C16orf96: variants seen among roughly 807,000 people sequenced by gnomAD.
The protein encoded by C16orf96 is chromosome 16 open reading frame 96, also known as uncharacterized protein C16orf96.
C16orf96 carries 108 observed loss-of-function variants against 103.6 expected under a neutral mutation model. The observed-to-expected ratio is 1.04, with a 90% CI of 0.89 to 1.22. C16orf96 has a LOEUF of 1.22. Among genes scored for constraint, C16orf96 ranks in the 50% most tolerant of loss-of-function variants. The pLI, the probability that C16orf96 is intolerant of heterozygous loss-of-function variation, is 0.00. For missense variants in C16orf96, 1,586 were observed against 1,464.2 expected (o/e 1.08, Z -1.36); for synonymous variants, 566 against 593.5 (o/e 0.95, Z 0.67).
At chr16:4,599,781 C>G (rs190642799) in intron 15 of C16orf96, among the ~76,000 whole-genome samples, 2 of 152,374 alleles carry the variant, frequency 1.3e-5, no homozygotes, top group East Asian at 3.9e-4. Flanking sequence ...GGCTCGGTCA[C>G]TTTGAGCTGT....
At chr16:4,595,461 C>T (rs1897150485) in intron 14 of C16orf96, among the ~76,000 whole-genome samples, 1 of 152,170 alleles carries the variant, frequency 6.6e-6, no homozygotes, top group East Asian at 1.9e-4. Context: ...GTGCTGAGGC[C>T]CGGCTCTGGC....
the C16orf96 span, among the ~76,000 whole-genome samples, chr16:4,546,399 C>T: frequency 6.6e-6 from 1 of 151,064 alleles, no homozygotes; most frequent in Non-Finnish European, 1.5e-5. Flanking sequence ...ACCTCGTGAT[C>T]TGCCTGCCTC....
intron 1 of C16orf96, among the ~76,000 whole-genome samples, chr16:4,568,684 A>C (rs2059406647): frequency 7.1e-6 from 1 of 141,784 alleles, no homozygotes; most frequent in South Asian, 2.2e-4. Flanking sequence ...GCTGGAGGGC[A>C]GTAGTGCAAT....
Position 4,594,808 on chromosome 16 carries a change from G to A in C16orf96, c.3127+5G>A, listed in dbSNP as rs1204238623. The A allele has an allele frequency of 1.3e-6, 2 of 1,549,692 alleles. No individual in the cohort carries two copies. The highest frequency in any genetic ancestry group is 1.7e-6 in the Non-Finnish European group (2 of 1,146,758). ...CCGTCGCAAAGGAGCTGGCAGGTGA[G>A]GGGCGTAGGGCTCCCTGGGGCACCC... On this transcript the variant is annotated splice_donor_5th_base_variant and intron_variant, in intron 14 of 15. Transcript: ENST00000444310.
rs558227770 is a variant in C16orf96, at chr16:4,594,633, C to T, written c.3028-71C>T. ...AGGCTGCACTCTGTCTCCTGGGCTT[C>T]TGCGTGTACCAAAGTTCGGGGGCAG... is the stretch of plus-strand genomic sequence containing the variant. On this transcript the variant is annotated intron_variant, in intron 13 of 15. Transcript: ENST00000444310. 4.1e-5 allele frequency: 63 copies of T among 1,541,096 alleles called. No individual in the cohort carries two copies. The East Asian group carries it at 1.3e-3, about 32-fold the overall frequency.
chr16:4,567,025 T>C (rs1447682256), intron 1 of C16orf96, among the ~76,000 whole-genome samples: 1 of 152,058 alleles, frequency 6.6e-6, no homozygotes, highest in Non-Finnish European at 1.5e-5. Flanking sequence ...TTCTTTGTTA[T>C]TTTCTTATTT....
chr16:4,539,015 A>T, the C16orf96 span, among the ~76,000 whole-genome samples: 2 of 152,178 alleles, frequency 1.3e-5, no homozygotes, highest in African/African-American at 2.4e-5. Context: ...TGCCAGCAAC[A>T]GGGCAGGGCA....
rs1375506265 is a variant in C16orf96, at chr16:4,587,108, A to C, written c.2422A>C (p.Arg808=). The C allele has an allele frequency of 3.2e-6, 5 of 1,551,480 alleles. No homozygotes were observed. The East Asian group carries it at 9.8e-5, about 30-fold the overall frequency. Residue 808 remains arginine (R), a synonymous_variant, in exon 8 of 16, where the codon AGA becomes CGA. Transcript: ENST00000444310. ...VNKSTMEEEL[R]EKADRSALAG... ...TAAGAGCACGATGGAGGAGGAGCTG[A>C]GAGAGGTGAGTGAGCAGAGGTTCCT...
At chr16:4,583,441 G>T (rs1052251473) in intron 7 of C16orf96, among the ~76,000 whole-genome samples, 3 of 152,184 alleles carry the variant, frequency 2.0e-5, no homozygotes, top group Admixed American at 6.5e-5. Context: ...AGGAGGTGGA[G>T]GTTGCAGTGA....
rs183141416 is a variant in C16orf96, at chr16:4,585,647, C to A, written c.2353-1392C>A. On this transcript the variant is annotated intron_variant, in intron 7 of 15. Transcript: ENST00000444310. ...ACCTGCTGGTTGGATCAGTTCCCTG[C>A]GGTTGCTGCGGCAAATCACTCTTGG... 9.9e-4 allele frequency among the ~76,000 whole-genome samples: 150 copies of A among 152,192 alleles called. 1 individual carries two copies. Among genetic ancestry groups the A allele is most frequent in the Non-Finnish European group, 1.8e-3 (123 of 68,016 alleles).
intron 2 of C16orf96, among the ~76,000 whole-genome samples, chr16:4,573,432 C>A (rs577837459): frequency 7.2e-4 from 74 of 102,864 alleles, no homozygotes; most frequent in African/African-American, 2.4e-3. Context: ...GAGCAAGACT[C>A]CGTCTCAAAA....
upstream of C16orf96, among the ~76,000 whole-genome samples, chr16:4,552,266 G>A (rs989889635): frequency 6.6e-6 from 1 of 152,058 alleles, no homozygotes; most frequent in African/African-American, 2.4e-5. Context: ...CAGATCACCT[G>A]AGGTCAGGAG....
the C16orf96 span, among the ~76,000 whole-genome samples, chr16:4,545,054 A>T: frequency 5.9e-5 from 9 of 152,212 alleles, no homozygotes; most frequent in Non-Finnish European, 1.2e-4. Context: ...GTTTATATTC[A>T]TAATAGCCAA....
At chr16:4,583,643 CTG>C (rs1194880725) in intron 7 of C16orf96, among the ~76,000 whole-genome samples, 1 of 152,098 alleles carries the variant, frequency 6.6e-6, no homozygotes, top group Non-Finnish European at 1.5e-5. Context: ...GCCAAGAAGA[CTG>C]GGCATGGTGG....
chr16:4,584,442 G>C (rs930859492), intron 7 of C16orf96, among the ~76,000 whole-genome samples: 5 of 148,276 alleles, frequency 3.4e-5, no homozygotes, highest in African/African-American at 1.2e-4. Flanking sequence ...CCGCCTCCCG[G>C]GTTCAAGCAA....
At position 4,574,806 on chromosome 16, in the gene C16orf96, C is replaced by T; in HGVS notation, c.606+17C>T. The T allele has an allele frequency of 1.3e-6, 2 of 1,550,692 alleles. No homozygotes were observed. The highest frequency in any genetic ancestry group is 1.7e-6 in the Non-Finnish European group (2 of 1,146,496). On this transcript the variant is annotated intron_variant, in intron 3 of 15. Transcript: ENST00000444310. ...CGGGAAGTGGTGAGGGCCACCATCC[C>T]TGTCTTCCCCCACTCCCCCTGGGAC...
chr16:4,559,209 T>G (rs914368211), intron 1 of C16orf96, among the ~76,000 whole-genome samples: 5 of 151,962 alleles, frequency 3.3e-5, no homozygotes, highest in African/African-American at 7.3e-5. Flanking sequence ...TCAGGGCCAT[T>G]TTCAGAGCGT....
intron 2 of C16orf96, among the ~76,000 whole-genome samples, chr16:4,573,238 G>A (rs1167723344): frequency 1.3e-5 from 2 of 151,940 alleles, no homozygotes; most frequent in African/African-American, 2.4e-5. Context: ...AGGAGTTCGA[G>A]ACCAGCCTGG....
rs147641941 is a variant in C16orf96 at position 4,590,757 on chromosome 16, G to A, written c.2593-909G>A. Among the ~76,000 whole-genome samples the A allele has an allele frequency of 7.8e-4, 116 of 148,252 alleles. 1 individual carries two copies. The highest frequency in any genetic ancestry group is 1.3e-3 in the Non-Finnish European group (89 of 67,252). On this transcript the variant is annotated intron_variant, in intron 9 of 15. Coordinates refer to ENST00000444310, the MANE Select transcript of C16orf96 (RefSeq NM_001145011.2). ...GATTAGGCTGGGCGTGGTGGCTCAC[G>A]TCTGTAATCCCAGCACTTTGGGAGG...
Sources: gnomAD v4.1 joint callset for allele counts (sites outside exome capture counted in the v4.1 genomes callset) on GRCh38, gnomAD v4.1.1 for gene constraint, MANE v1.5 for transcripts, NCBI Gene and HGNC (gene_info 2026-07-23, HGNC 2026-07-21) for gene names.